Variants in INPP5D observed in about 807,000 individuals in gnomAD.
INPP5D encodes the protein phosphatidylinositol 3,4,5-trisphosphate 5-phosphatase 1.
A neutral mutation model predicts 122.9 loss-of-function variants in INPP5D; 33 were observed. That is an observed-to-expected ratio of 0.27 (90% confidence interval 0.20 to 0.36). The LOEUF (loss-of-function observed/expected upper bound fraction) is 0.36. Ranked by LOEUF, INPP5D falls within the 10% of genes least tolerant of loss-of-function variation. The probability of loss-of-function intolerance (pLI) is 1.00; values close to 1 mark genes in which losing one functional copy is unlikely to be tolerated. For synonymous variants in INPP5D, 584 were observed against 576.2 expected (o/e 1.01, Z -0.19); for missense variants, 1,053 against 1,412.7 (o/e 0.75, Z 4.08).
chr2:233,093,913 C>G (rs1015606707), intron 2 of INPP5D, among the ~76,000 whole-genome samples: 12 of 152,130 alleles, frequency 7.9e-5, no homozygotes, highest in African/African-American at 2.9e-4. Context: ...GCTATGCATG[C>G]CTCCTGAGCA....
chr2:233,084,120 C>G (rs764972299), intron 2 of INPP5D, among the ~76,000 whole-genome samples: 1 of 152,140 alleles, frequency 6.6e-6, no homozygotes, highest in Admixed American at 6.5e-5. Flanking sequence ...AGTGGCGCGA[C>G]CTCGGCTCAC....
chr2:233,111,745 AAGTTACT>A (rs1304574903), intron 2 of INPP5D, among the ~76,000 whole-genome samples: 2 of 152,198 alleles, frequency 1.3e-5, no homozygotes, highest in African/African-American at 4.8e-5. Flanking sequence ...AAGGATTGTA[AAGTTACT>A]AGTTTTTGCT....
chr2:233,206,895 G>A lies in INPP5D; in HGVS notation c.*187G>A. 8.6e-6 allele frequency: 5 copies of A among 582,606 alleles called. No homozygotes were observed. In the East Asian group the frequency reaches 1.5e-4, roughly 18 times the overall value. The allele number at this position is 582,606 out of a possible 1,614,324, so 36.1% of individuals were successfully genotyped here. A position where few individuals can be genotyped will look rare whatever the true frequency, so the allele number is the denominator to read the frequency against. The stretch of plus-strand genomic sequence containing the variant: ...CTGCCTGTGAGACTTAGCACCAAGT[G>A]CTGAGGCTGGAAGAAAAACGCACAC... On this transcript the variant is annotated 3_prime_UTR_variant, in exon 27 of 27. Coordinates refer to ENST00000445964, the MANE Select transcript of INPP5D (RefSeq NM_001017915.3). The surrounding 1 kb of genome is among the most constrained non-coding windows in gnomAD (Gnocchi z 4.0).
chr2:233,132,437 C>T (rs1343667249), intron 5 of INPP5D, among the ~76,000 whole-genome samples: 2 of 152,302 alleles, frequency 1.3e-5, no homozygotes, highest in Non-Finnish European at 2.9e-5. Context: ...TATGTAGTGC[C>T]GATGGAGAGA....
intron 1 of INPP5D, among the ~76,000 whole-genome samples, chr2:233,073,076 C>A (rs1214948860): frequency 2.0e-5 from 3 of 152,314 alleles, no homozygotes; most frequent in Admixed American, 2.0e-4. Context: ...CAGCCCATCC[C>A]CCCTTCACTC....
chr2:233,118,239 CT>C (rs1267825490), intron 2 of INPP5D, among the ~76,000 whole-genome samples: 3 of 152,174 alleles, frequency 2.0e-5, no homozygotes, highest in African/African-American at 7.2e-5. Context: ...ACTCCTCCCC[CT>C]ACCGGCCACT....
chr2:233,132,694 T>A (rs1693361197), intron 5 of INPP5D, among the ~76,000 whole-genome samples: 1 of 152,122 alleles, frequency 6.6e-6, no homozygotes, highest in Non-Finnish European at 1.5e-5. Flanking sequence ...TCAAACTGCT[T>A]TGATTAGAAT....
At chr2:233,136,251 G>A (rs1693460354) in intron 5 of INPP5D, among the ~76,000 whole-genome samples, 1 of 152,338 alleles carries the variant, frequency 6.6e-6, no homozygotes, top group Non-Finnish European at 1.5e-5. Context: ...GCCAAGGTGG[G>A]CAGATCACTT....
chr2:233,095,292 T>C (rs1692105925), intron 2 of INPP5D, among the ~76,000 whole-genome samples: 1 of 152,170 alleles, frequency 6.6e-6, no homozygotes, highest in Admixed American at 6.5e-5. Context: ...ATTTTAGAGA[T>C]AGGATCTCAC....
chr2:233,100,797 G>C lies in INPP5D; in HGVS notation c.199-21310G>C, dbSNP rs897744473. ...AGGGCAGGGTGGGCCCCACTGGGGAGCTGGAGGGCTCACTTTTGTCACTGC... is the reference window on the plus strand; with the variant it reads ...AGGGCAGGGTGGGCCCCACTGGGGACCTGGAGGGCTCACTTTTGTCACTGC... On this transcript the variant is annotated intron_variant, in intron 2 of 26. Transcript: ENST00000445964. The surrounding 1 kb of genome is among the most constrained non-coding windows in gnomAD (Gnocchi z 5.3). 6.6e-6 allele frequency among the ~76,000 whole-genome samples: 1 copy of C among 152,220 alleles called. No individual in the cohort carries two copies.
In INPP5D at chr2:233,183,201, G is replaced by C. The variant is rs1371243816; in HGVS notation, c.2161+702G>C. Among the ~76,000 whole-genome samples, 1 of 152,168 alleles carries C rather than the reference G, an allele frequency of 6.6e-6. No homozygotes were observed. The highest frequency in any genetic ancestry group is 1.5e-5 in the Non-Finnish European group (1 of 68,032). On this transcript the variant is annotated intron_variant, in intron 19 of 26. Coordinates refer to ENST00000445964, the MANE Select transcript of INPP5D (RefSeq NM_001017915.3). The surrounding 1 kb of genome is among the most constrained non-coding windows in gnomAD (Gnocchi z 4.6). ...ATCCAGCCCTTGGCCTAGGTGACCA[G>C]GGAGCCATGTTGTCTCTGCCCAGTC... is the stretch of plus-strand genomic sequence containing the variant.
Position 233,206,444 on chromosome 2 carries a change from T to A in INPP5D, c.3568-262T>A, listed in dbSNP as rs1695507303. On this transcript the variant is annotated intron_variant, in intron 26 of 26. Transcript: ENST00000445964. This position sits in a 1 kb window ranked among gnomAD's most constrained non-coding sequence, Gnocchi z 4.0. ...GGGGAGGCTGAGGCATGAGGCTAGC[T>A]GGAACCCAAGAATTCAAGGCTGCAG... is the stretch of plus-strand genomic sequence containing the variant. Among the ~76,000 whole-genome samples the A allele has an allele frequency of 6.6e-6, 1 of 152,080 alleles. No homozygotes were observed. The highest frequency in any genetic ancestry group is 2.1e-4 in the South Asian group (1 of 4,824).
At chr2:233,175,860 T>G (rs1374847534) in intron 17 of INPP5D, among the ~76,000 whole-genome samples, 1 of 151,942 alleles carries the variant, frequency 6.6e-6, no homozygotes, top group African/African-American at 2.4e-5. Context: ...TTTTGTATTT[T>G]TAGCAGAGAT....
intron 18 of INPP5D, 93 bp from the exon 19 acceptor site, chr2:233,182,317 A>G: frequency 1.3e-6 from 2 of 1,563,860 alleles, no homozygotes; most frequent in Non-Finnish European, 1.7e-6. Flanking sequence ...GGGCTCCATA[A>G]CTAAAGTTTC....
At position 233,125,805 on chromosome 2, in the gene INPP5D, C is replaced by T. The variant is rs1693139957; in HGVS notation, c.410C>T (p.Ser137Phe). Residue 137 changes from serine to phenylalanine, a missense_variant, in exon 4 of 27, where the codon TCC (serine) becomes TTC (phenylalanine). Ser to Phe is a radical substitution (Grantham distance 155). Around this residue, in one of 6 missense-constraint regions of INPP5D, gnomAD observed 196 missense variants for 175.6 expected, o/e 1.12. Coordinates refer to ENST00000445964, the MANE Select transcript of INPP5D (RefSeq NM_001017915.3). ...PPRNIPLTASSCEAKEVPFSN... is the reference protein window; with the variant it reads ...PPRNIPLTASFCEAKEVPFSN... ...AGAAACATCCCGCTGACTGCCAGCT[C>T]CTGTGAGGCCAAGGAGGTTCCTTTT... The T allele has an allele frequency of 6.2e-7, 1 of 1,613,826 alleles. No individual in the cohort carries two copies. Among genetic ancestry groups the T allele is most frequent in the Non-Finnish European group, 8.5e-7 (1 of 1,179,864 alleles).
intron 13 of INPP5D, among the ~76,000 whole-genome samples, chr2:233,165,971 C>T (rs1444302314): frequency 1.3e-5 from 2 of 152,058 alleles, no homozygotes; most frequent in Non-Finnish European, 2.9e-5. Flanking sequence ...GAGTCAGGAA[C>T]AGGACAGAGT....
intron 2 of INPP5D, among the ~76,000 whole-genome samples, chr2:233,086,177 C>CTTTCTTTCTTTCA (rs1691840538): frequency 7.1e-6 from 1 of 140,814 alleles, no homozygotes; most frequent in African/African-American, 2.7e-5. Flanking sequence ...TTCTTTCTTT[C>CTTTCTTTCTTTCA]TTTCTTTCTT....
intron 2 of INPP5D, among the ~76,000 whole-genome samples, chr2:233,086,125 CTTTCTTTCTTTCTTT>C (rs1691828873): frequency 1.1e-5 from 1 of 91,548 alleles, no homozygotes; most frequent in Non-Finnish European, 2.1e-5. Flanking sequence ...TAGCCTCTTT[CTTTCTTTCTTTCTTT>C]CTTTCTTTCT....
In INPP5D at chr2:233,163,846, G is replaced by C. The variant is rs1694255164; in HGVS notation, c.1380G>C (p.Glu460Asp). 1 of 1,613,862 alleles carries C rather than the reference G, an allele frequency of 6.2e-7. No individual in the cohort carries two copies. ...GTQEDPLSEK[E>D]WLEILKHSLQ... is the part of the protein sequence containing the mutation. ...AAGAGGACCCCCTGAGTGAGAAGGA[G>C]TGGCTGGAGATCCTCAAACACTCCC... Residue 460 changes from glutamate to aspartate, a missense_variant, in exon 12 of 27, where the codon GAG becomes GAC. Physicochemically the swap from Glu to Asp is conservative, Grantham distance 45. This residue lies in a region of INPP5D where 105 missense variants were observed against 199.8 expected (regional missense o/e 0.53). Transcript: ENST00000445964.
Sources: gnomAD v4.1 joint callset for allele counts (sites outside exome capture counted in the v4.1 genomes callset) on GRCh38, gnomAD v4.1.1 for gene constraint, gnomAD v4.1.1 regional missense constraint, Gnocchi (gnomAD v3.1) non-coding constraint, MANE v1.5 for transcripts, NCBI Gene and HGNC (gene_info 2026-07-23, HGNC 2026-07-21) for gene names.